EPHA4: variants seen among roughly 807,000 people sequenced by gnomAD.
The protein encoded by EPHA4 is ephrin type-A receptor 4.
In EPHA4, 19 loss-of-function variants were observed where a neutral mutation model predicts 108.3. The ratio of observed to expected loss-of-function variants is 0.18; its 90% CI spans 0.12 to 0.26. The LOEUF (loss-of-function observed/expected upper bound fraction) is 0.26. Ranked by LOEUF, EPHA4 falls within the 10% of genes least tolerant of loss-of-function variation. EPHA4 has a pLI of 1.00. For missense variants in EPHA4, 917 were observed against 1,254.0 expected (o/e 0.73, Z 4.06); for synonymous variants, 449 against 455.5 (o/e 0.99, Z 0.18).
rs1690502983 is a variant in EPHA4, at chr2:221,443,686, C to T, written c.1775-80G>A. 3 of 1,039,710 alleles carry T rather than the reference C, an allele frequency of 2.9e-6. No individual in the cohort carries two copies. The East Asian group carries it at 7.4e-5, about 26-fold the overall frequency. The allele number at this position is 1,039,710 out of a possible 1,614,324, so 64.4% of individuals were successfully genotyped here. On this transcript the variant is annotated intron_variant, in intron 9 of 17. Coordinates refer to ENST00000281821, the MANE Select transcript of EPHA4 (RefSeq NM_004438.5). The stretch of plus-strand genomic sequence containing the variant: ...CATAAATAGTCTGGGTCTAAAATTA[C>T]CAAACATAGGAAAAGTCAAGTTAGC...
intron 5 of EPHA4, among the ~76,000 whole-genome samples, chr2:221,462,356 G>A (rs1691172435): frequency 6.6e-6 from 1 of 151,080 alleles, no homozygotes; most frequent in Non-Finnish European, 1.5e-5. Flanking sequence ...CTGGTCTAAG[G>A]TGCCTATCCC....
At chr2:221,435,643 T>C (rs373446088) in intron 13 of EPHA4, among the ~76,000 whole-genome samples, 2 of 152,176 alleles carry the variant, frequency 1.3e-5, no homozygotes, top group East Asian at 3.9e-4. Flanking sequence ...TGTTTTATGA[T>C]TCTGTGTTTA....
At position 221,445,585 on chromosome 2, in the gene EPHA4, G is replaced by A. The variant is rs191531612; in HGVS notation, c.1774+538C>T. 2.3e-3 allele frequency among the ~76,000 whole-genome samples: 254 copies of A among 109,792 alleles called. 4 individuals are homozygous for A. Among genetic ancestry groups the A allele is most frequent in the Admixed American group, 0.012 (113 of 9,214 alleles). 72.0% of individuals were successfully genotyped at this position (109,792 alleles called of 152,430 possible). A position where few individuals can be genotyped will look rare whatever the true frequency, so the allele number is the denominator to read the frequency against. On this transcript the variant is annotated intron_variant, in intron 9 of 17. Transcript: ENST00000281821. ...AGCCTGGCCGACAGAGCAAGACTCC[G>A]TCAGAAAAAAAAAAAAAAAAAAAAG...
intron 5 of EPHA4, among the ~76,000 whole-genome samples, chr2:221,471,160 T>A (rs1231676201): frequency 6.6e-5 from 10 of 152,146 alleles, no homozygotes; most frequent in Non-Finnish European, 1.3e-4. Context: ...TTGAGATGAC[T>A]TTTGTAGTCA....
intron 3 of EPHA4, among the ~76,000 whole-genome samples, chr2:221,524,020 C>T (rs958237009): frequency 3.9e-5 from 6 of 152,174 alleles, no homozygotes; most frequent in Non-Finnish European, 5.9e-5. Flanking sequence ...ATATAAAATG[C>T]CTTGTGGTGA....
intron 2 of EPHA4, among the ~76,000 whole-genome samples, chr2:221,566,908 G>A (rs865990777): frequency 0.027 from 950 of 35,384 alleles, 126 homozygotes; most frequent in African/African-American, 0.037. Context: ...GAAGGAGAAG[G>A]AGAAGGAGAA....
At chr2:221,445,237 A>G (rs1224762336) in intron 9 of EPHA4, among the ~76,000 whole-genome samples, 1 of 152,190 alleles carries the variant, frequency 6.6e-6, no homozygotes, top group Admixed American at 6.5e-5. Context: ...GAACAATGTT[A>G]TCTCAGAAAG....
chr2:221,517,999 T>A (rs893817873), intron 3 of EPHA4, among the ~76,000 whole-genome samples: 8 of 152,122 alleles, frequency 5.3e-5, no homozygotes, highest in African/African-American at 1.9e-4. Context: ...AGTAAGTGAG[T>A]TATGAGGTTT....
In EPHA4 at chr2:221,568,767, C is replaced by G. The variant is rs759008116; in HGVS notation, c.110G>C (p.Arg37Thr). The G allele has an allele frequency of 2.5e-6, 4 of 1,613,720 alleles. No homozygotes were observed. Among genetic ancestry groups the G allele is most frequent in the Middle Eastern group, 1.6e-4 (1 of 6,062 alleles). Residue 37 changes from arginine to threonine, a missense_variant, in exon 2 of 18, where the codon AGA becomes ACA. Transcript: ENST00000281821. ...PANEVTLLDS[R>T]SVQGELGWIA... ...CCACCCAAGTTCTCCCTGAACAGAT[C>G]TGGAATCCAATAAGGTAACTGCAAA... is the stretch of plus-strand genomic sequence containing the variant.
At chr2:221,534,406 G>A (rs1693603720) in intron 3 of EPHA4, among the ~76,000 whole-genome samples, 1 of 152,142 alleles carries the variant, frequency 6.6e-6, no homozygotes, top group Non-Finnish European at 1.5e-5. Context: ...GTATTGGAAT[G>A]CGTTCTCATT....
In EPHA4 at chr2:221,443,405, C is replaced by T. The variant is rs542076512; in HGVS notation, c.1888+88G>A. On this transcript the variant is annotated intron_variant, in intron 10 of 17. Coordinates refer to ENST00000281821, the MANE Select transcript of EPHA4 (RefSeq NM_004438.5). ...CATGTATATACACACATATAATATA[C>T]TCACAAAAGCATTTATGTAATCCAC... 7.3e-6 allele frequency: 7 copies of T among 958,238 alleles called. No individual in the cohort carries two copies. The Admixed American group carries it at 1.3e-4, about 17-fold the overall frequency. 59.4% of individuals were successfully genotyped at this position (958,238 alleles called of 1,614,324 possible). A position where few individuals can be genotyped will look rare whatever the true frequency, so the allele number is the denominator to read the frequency against.
intron 3 of EPHA4, among the ~76,000 whole-genome samples, chr2:221,528,983 C>T (rs955475813): frequency 6.6e-6 from 1 of 151,478 alleles, no homozygotes; most frequent in Admixed American, 6.6e-5. Flanking sequence ...CAAAACAAAA[C>T]AACAACAACA....
intron 3 of EPHA4, among the ~76,000 whole-genome samples, chr2:221,505,483 G>A (rs967253546): frequency 4.6e-5 from 7 of 151,790 alleles, no homozygotes; most frequent in East Asian, 1.9e-4. Context: ...CTGCCACTAC[G>A]CCCGGCTAAT....
At chr2:221,504,674 G>A (rs1212035507) in intron 3 of EPHA4, among the ~76,000 whole-genome samples, 2 of 151,926 alleles carry the variant, frequency 1.3e-5, no homozygotes, top group Admixed American at 6.6e-5. Context: ...GCTAATAATA[G>A]CAATTGTGAA....
intron 3 of EPHA4, among the ~76,000 whole-genome samples, chr2:221,530,635 A>G (rs1693481209): frequency 2.0e-5 from 3 of 152,174 alleles, no homozygotes; most frequent in Admixed American, 2.0e-4. Flanking sequence ...CGAAAAAGCT[A>G]CTAGGCTAGG....
At chr2:221,505,945 T>G (rs892893587) in intron 3 of EPHA4, among the ~76,000 whole-genome samples, 6 of 152,268 alleles carry the variant, frequency 3.9e-5, no homozygotes, top group African/African-American at 1.4e-4. Context: ...AAATGGACAT[T>G]AATGGGGGGT....
At chr2:221,497,831 G>A (rs555265961) in intron 4 of EPHA4, among the ~76,000 whole-genome samples, 17 of 152,202 alleles carry the variant, frequency 1.1e-4, no homozygotes, top group Middle Eastern at 3.4e-3. Flanking sequence ...GTATTTTCAT[G>A]GACCTTTTAA....
chr2:221,504,254 A>T (rs1692566472), intron 3 of EPHA4, among the ~76,000 whole-genome samples: 1 of 152,186 alleles, frequency 6.6e-6, no homozygotes. Flanking sequence ...TGGAGAAAAG[A>T]TTAGTTCACA....
intron 8 of EPHA4, among the ~76,000 whole-genome samples, chr2:221,452,761 G>A (rs566890201): frequency 3.9e-5 from 6 of 151,916 alleles, no homozygotes; most frequent in East Asian, 3.9e-4. Context: ...TAGGTAACTC[G>A]ACAGGCTCAA....
Sources: gnomAD v4.1 joint callset for allele counts (sites outside exome capture counted in the v4.1 genomes callset) on GRCh38, gnomAD v4.1.1 for gene constraint, MANE v1.5 for transcripts, NCBI Gene and HGNC (gene_info 2026-07-23, HGNC 2026-07-21) for gene names.